CPEB3: variants seen among roughly 807,000 people sequenced by gnomAD.
The protein encoded by CPEB3 is cytoplasmic polyadenylation element-binding protein 3.
Under a neutral mutation model 67.2 loss-of-function variants are expected in CPEB3, and 20 were observed. The observed-to-expected ratio is 0.30, with a 90% CI of 0.21 to 0.43. The LOEUF (loss-of-function observed/expected upper bound fraction) is 0.43, where lower values mean the gene tolerates loss of function less well. Among genes scored for constraint, CPEB3 ranks in the 20% least tolerant of loss-of-function variants. CPEB3 has a pLI of 1.00. For missense variants in CPEB3, 746 were observed against 968.6 expected, an observed-to-expected ratio of 0.77 and a Z score of 3.05; for synonymous variants, 376 against 393.1, an observed-to-expected ratio of 0.96 and a Z score of 0.51.
chr10:92,142,039 C>CAAAAAAAAAAA (rs546901334), intron 6 of CPEB3, among the ~76,000 whole-genome samples: 1 of 115,130 alleles, frequency 8.7e-6, no homozygotes, highest in South Asian at 2.9e-4. Flanking sequence ...CAAATAAAAA[C>CAAAAAAAAAAA]AAAAAAAAAA....
intron 3 of CPEB3, among the ~76,000 whole-genome samples, chr10:92,184,530 G>C (rs376647687): frequency 2.6e-5 from 4 of 152,110 alleles, no homozygotes; most frequent in African/African-American, 9.7e-5. Flanking sequence ...GCTTAAACCT[G>C]GGAGGTGGAG....
intron 6 of CPEB3, among the ~76,000 whole-genome samples, chr10:92,118,352 G>A (rs1383926213): frequency 6.6e-6 from 1 of 152,010 alleles, no homozygotes; most frequent in Non-Finnish European, 1.5e-5. Context: ...GGCTGGTATC[G>A]AACTCCTGAC....
intron 7 of CPEB3, among the ~76,000 whole-genome samples, chr10:92,092,555 G>A (rs1438658954): frequency 6.6e-6 from 1 of 152,160 alleles, no homozygotes; most frequent in African/African-American, 2.4e-5. Flanking sequence ...TGAGGCAGGT[G>A]GATCCCTTAA....
intron 2 of CPEB3, among the ~76,000 whole-genome samples, chr10:92,198,481 C>G (rs1849346775): frequency 6.6e-6 from 1 of 152,196 alleles, no homozygotes; most frequent in African/African-American, 2.4e-5. Context: ...ACAGCCCTAA[C>G]CCATTCACCT....
intron 2 of CPEB3, among the ~76,000 whole-genome samples, chr10:92,206,999 G>C (rs767341684): frequency 3.3e-5 from 5 of 149,626 alleles, no homozygotes; most frequent in Non-Finnish European, 5.9e-5. Flanking sequence ...CTTTTTTTTT[G>C]TTTTGAGACA....
At chr10:92,267,156 A>G (rs1853095905) in intron 1 of CPEB3, among the ~76,000 whole-genome samples, 1 of 152,196 alleles carries the variant, frequency 6.6e-6, no homozygotes, top group African/African-American at 2.4e-5. Context: ...TGAAAATCCT[A>G]ATGCAGGAGT....
intron 2 of CPEB3, among the ~76,000 whole-genome samples, chr10:92,236,716 T>G (rs1440161886): frequency 6.6e-6 from 1 of 151,942 alleles, no homozygotes; most frequent in Non-Finnish European, 1.5e-5. Context: ...GCCACTGCAC[T>G]CCACCCTGAG....
In CPEB3 at chr10:92,111,234, G is replaced by C. The variant is rs775478869; in HGVS notation, c.1454-40C>G. 11 of 1,282,042 alleles carry C rather than the reference G, an allele frequency of 8.6e-6. No homozygotes were observed. The Admixed American group carries it at 1.5e-4, about 18-fold the overall frequency. 79.4% of individuals were successfully genotyped at this position (1,282,042 alleles called of 1,614,324 possible). A position where few individuals can be genotyped will look rare whatever the true frequency, so the allele number is the denominator to read the frequency against. On this transcript the variant is annotated intron_variant, in intron 6 of 9. Transcript: ENST00000265997. ...AAACAAAAGGGTAGAGGAAGAATCA[G>C]TACATTAAACTCAAAGTACCAATTA...
chr10:92,245,364 C>G (rs1267661935), intron 1 of CPEB3, among the ~76,000 whole-genome samples: 1 of 151,964 alleles, frequency 6.6e-6, no homozygotes, highest in Non-Finnish European at 1.5e-5. Flanking sequence ...TCTCAAACTC[C>G]TGACCTCGTG....
chr10:92,081,004 C>G (rs2133211473), intron 9 of CPEB3, among the ~76,000 whole-genome samples: 1 of 152,074 alleles, frequency 6.6e-6, no homozygotes, highest in African/African-American at 2.4e-5. Context: ...GTAGGTCAAG[C>G]AGGTCACTAG....
At chr10:92,225,913 A>G (rs1447737965) in intron 2 of CPEB3, among the ~76,000 whole-genome samples, 2 of 152,208 alleles carry the variant, frequency 1.3e-5, no homozygotes, top group African/African-American at 4.8e-5. Flanking sequence ...CCTGACCTAC[A>G]TGGTGAAATC....
At chr10:92,166,928 T>G (rs933977975) in intron 4 of CPEB3, among the ~76,000 whole-genome samples, 1 of 152,214 alleles carries the variant, frequency 6.6e-6, no homozygotes, top group Non-Finnish European at 1.5e-5. Flanking sequence ...TCACCAACTA[T>G]CTTAACTAAA....
At chr10:92,144,621 G>A (rs760202962) in intron 5 of CPEB3, among the ~76,000 whole-genome samples, 2 of 152,126 alleles carry the variant, frequency 1.3e-5, no homozygotes, top group African/African-American at 4.8e-5. Context: ...CAGAAGCTCT[G>A]GAATCTAATT....
intron 6 of CPEB3, among the ~76,000 whole-genome samples, chr10:92,130,735 G>C (rs548682006): frequency 6.7e-6 from 1 of 150,202 alleles, no homozygotes; most frequent in Non-Finnish European, 1.5e-5. Context: ...AAATGGTCAT[G>C]CTTTTACAAA....
At chr10:92,286,976 A>G (rs908871582) in intron 1 of CPEB3, among the ~76,000 whole-genome samples, 2 of 152,220 alleles carry the variant, frequency 1.3e-5, no homozygotes, top group African/African-American at 4.8e-5. Flanking sequence ...TTAGAACTCT[A>G]CATCATCAAG....
At chr10:92,286,546 C>T (rs969460084) in intron 1 of CPEB3, among the ~76,000 whole-genome samples, 2 of 149,166 alleles carry the variant, frequency 1.3e-5, no homozygotes, top group African/African-American at 2.5e-5. Flanking sequence ...GATGGCACCA[C>T]TGCACTCCAG....
rs114205759 is a variant in CPEB3, at chr10:92,110,975, G to A, written c.1572+101C>T. ...CATAGCAAGGCCAAGCTGGGTAAGAGGATCCTAGTTACCAGCATTTCCATT... is the reference window on the plus strand; with the variant it reads ...CATAGCAAGGCCAAGCTGGGTAAGAAGATCCTAGTTACCAGCATTTCCATT... On this transcript the variant is annotated intron_variant, in intron 7 of 9. Coordinates refer to ENST00000265997, the MANE Select transcript of CPEB3 (RefSeq NM_014912.5). 681 of 896,344 alleles carry A rather than the reference G, an allele frequency of 7.6e-4. 4 individuals carry two copies. The African/African-American group carries it at 0.01, about 13-fold the overall frequency. 55.5% of individuals were successfully genotyped at this position (896,344 alleles called of 1,614,324 possible).
chr10:92,285,661 T>C (rs571105646), intron 1 of CPEB3, among the ~76,000 whole-genome samples: 111 of 152,366 alleles, frequency 7.3e-4, no homozygotes, highest in Admixed American at 4.1e-3. Context: ...AACAGATCTA[T>C]AGTTCAAGTT....
At chr10:92,172,527 C>T (rs1174656215) in intron 4 of CPEB3, among the ~76,000 whole-genome samples, 4 of 152,032 alleles carry the variant, frequency 2.6e-5, no homozygotes, top group Non-Finnish European at 5.9e-5. Flanking sequence ...TGGGAAAATC[C>T]AAAAGAGTAA....
Sources: gnomAD v4.1 joint callset for allele counts (sites outside exome capture counted in the v4.1 genomes callset) on GRCh38, gnomAD v4.1.1 for gene constraint, MANE v1.5 for transcripts, NCBI Gene and HGNC (gene_info 2026-07-23, HGNC 2026-07-21) for gene names.